Variants in SETD3 observed in about 807,000 individuals in gnomAD.
SETD3 encodes the protein SET domain containing 3, actin N3(tau)-histidine methyltransferase.
In SETD3, 19 loss-of-function variants were observed where a neutral mutation model predicts 63.0. The observed-to-expected ratio is 0.30, with a 90% CI of 0.21 to 0.44. SETD3 has a LOEUF of 0.44. Among genes scored for constraint, SETD3 ranks in the 20% least tolerant of loss-of-function variants. The pLI is 1.00. For missense variants in SETD3, 587 were observed against 728.5 expected, an observed-to-expected ratio of 0.81 and a Z score of 2.24; for synonymous variants, 286 against 264.1, an observed-to-expected ratio of 1.08 and a Z score of -0.80.
At position 99,434,878 on chromosome 14, in the gene SETD3, A is replaced by C. The variant is rs183149387; in HGVS notation, c.676-20944T>G. On this transcript the variant is annotated intron_variant, in intron 6 of 12. Coordinates refer to ENST00000331768, the MANE Select transcript of SETD3 (RefSeq NM_032233.3). ...AAAAAAAAAAAAAAAAAAAAAAAACAACCTACATTTAATATACATGTATTT... is the reference window on the plus strand; with the variant it reads ...AAAAAAAAAAAAAAAAAAAAAAAACCACCTACATTTAATATACATGTATTT... Among the ~76,000 whole-genome samples the C allele has an allele frequency of 6.0e-3, 726 of 120,646 alleles. 8 individuals are homozygous for C. The highest frequency in any genetic ancestry group is 0.021 in the African/African-American group (669 of 32,142). 79.1% of individuals were successfully genotyped at this position (120,646 alleles called of 152,430 possible). A position where few individuals can be genotyped will look rare whatever the true frequency, so the allele number is the denominator to read the frequency against.
intron 6 of SETD3, among the ~76,000 whole-genome samples, chr14:99,415,401 A>G (rs2139649215): frequency 6.6e-6 from 1 of 152,332 alleles, no homozygotes; most frequent in South Asian, 2.1e-4. Flanking sequence ...CAAAATGCTA[A>G]ATCTAAAAAT....
chr14:99,465,871 T>A, intron 1 of SETD3, 58 bp from the exon 2 acceptor site: 1 of 1,120,878 alleles, frequency 8.9e-7, no homozygotes, highest in Non-Finnish European at 1.3e-6. Context: ...CAAAATCAAG[T>A]AATAAAACAT....
At chr14:99,402,850 G>C (rs1388694445) in intron 11 of SETD3, among the ~76,000 whole-genome samples, 4 of 152,208 alleles carry the variant, frequency 2.6e-5, no homozygotes, top group Non-Finnish European at 5.9e-5. Context: ...CATCATGCCT[G>C]GCGCACAGTG....
intron 6 of SETD3, among the ~76,000 whole-genome samples, chr14:99,435,332 T>C (rs530784389): frequency 6.6e-6 from 1 of 152,358 alleles, no homozygotes; most frequent in East Asian, 1.9e-4. Flanking sequence ...CCTAGAATTT[T>C]GGTAGTTAAT....
At chr14:99,440,482 A>C (rs1893738643) in intron 6 of SETD3, among the ~76,000 whole-genome samples, 1 of 152,164 alleles carries the variant, frequency 6.6e-6, no homozygotes, top group Non-Finnish European at 1.5e-5. Context: ...GGTCAGGAGC[A>C]ATACACACAG....
chr14:99,422,806 A>G (rs1257249196), intron 6 of SETD3, among the ~76,000 whole-genome samples: 1 of 152,198 alleles, frequency 6.6e-6, no homozygotes, highest in African/African-American at 2.4e-5. Flanking sequence ...CTGGTCACAA[A>G]GGAGGGAAGT....
chr14:99,458,667 G>A, intron 5 of SETD3, 132 bp from the exon 6 acceptor site: 1 of 1,136,122 alleles, frequency 8.8e-7, no homozygotes, highest in East Asian at 2.6e-5. Flanking sequence ...GCTGGGCGCA[G>A]TGGCTCACAC....
chr14:99,409,951 G>T, intron 8 of SETD3: 1 of 387,904 alleles, frequency 2.6e-6, no homozygotes. Context: ...ATCACCCTGC[G>T]TTCATGGATC....
intron 1 of SETD3, among the ~76,000 whole-genome samples, chr14:99,470,859 A>G (rs1895663081): frequency 6.6e-6 from 1 of 152,154 alleles, no homozygotes; most frequent in African/African-American, 2.4e-5. Context: ...GTTCAGCCCT[A>G]AAACATCAGG....
intron 1 of SETD3, among the ~76,000 whole-genome samples, chr14:99,473,415 G>A (rs779508727): frequency 6.6e-6 from 1 of 152,122 alleles, no homozygotes; most frequent in Non-Finnish European, 1.5e-5. Context: ...CACTCTAAAT[G>A]GAAAGGATAT....
At chr14:99,479,535 C>T (rs1312883888) in intron 1 of SETD3, among the ~76,000 whole-genome samples, 1 of 152,080 alleles carries the variant, frequency 6.6e-6, no homozygotes, top group Non-Finnish European at 1.5e-5. Flanking sequence ...AACACTTCTC[C>T]GAGATTATTA....
chr14:99,482,556 T>C (rs947448850), upstream of SETD3, among the ~76,000 whole-genome samples: 1 of 152,216 alleles, frequency 6.6e-6, no homozygotes, highest in Non-Finnish European at 1.5e-5. Context: ...AAGATTGTCT[T>C]ATTCAGAGTG....
chr14:99,458,773 A>G (rs1166456168), intron 5 of SETD3, among the ~76,000 whole-genome samples: 1 of 49,940 alleles, frequency 2.0e-5, no homozygotes, highest in African/African-American at 6.2e-5. Context: ...CCCCATCACT[A>G]CAAAAAAAAA....
chr14:99,472,921 G>A (rs1174496523), intron 1 of SETD3, among the ~76,000 whole-genome samples: 1 of 152,222 alleles, frequency 6.6e-6, no homozygotes, highest in African/African-American at 2.4e-5. Context: ...ATTATAGTTA[G>A]TCATTCAGAG....
chr14:99,400,869 G>C (rs924760157), intron 11 of SETD3, among the ~76,000 whole-genome samples: 1 of 152,240 alleles, frequency 6.6e-6, no homozygotes, highest in Non-Finnish European at 1.5e-5. Context: ...GCCGGGCGCA[G>C]TGGCTCACGC....
chr14:99,426,898 G>A (rs1175480901), intron 6 of SETD3, among the ~76,000 whole-genome samples: 1 of 152,138 alleles, frequency 6.6e-6, no homozygotes. Flanking sequence ...CGAGGGCAGA[G>A]GCCTTGCCTT....
rs1474586967 is a variant in SETD3, at chr14:99,404,343, T to C, written c.1092-33A>G. ...AAGCAGAAAGCAAGATCAGTCACCC[T>C]GCTGCGGTTACCCACTTGCTCCAAA... On this transcript the variant is annotated intron_variant, in intron 10 of 12. Coordinates refer to ENST00000331768, the MANE Select transcript of SETD3 (RefSeq NM_032233.3). 3.8e-6 allele frequency: 6 copies of C among 1,596,478 alleles called. No homozygotes were observed. The Admixed American group carries it at 8.3e-5, about 22-fold the overall frequency.
intron 8 of SETD3, among the ~76,000 whole-genome samples, chr14:99,409,118 C>T (rs1891837476): frequency 6.6e-6 from 1 of 152,146 alleles, no homozygotes; most frequent in Non-Finnish European, 1.5e-5. Flanking sequence ...GGACAGGGTC[C>T]TTCCACCTCC....
chr14:99,483,207 T>C (rs1896399030), upstream of SETD3, among the ~76,000 whole-genome samples: 1 of 152,020 alleles, frequency 6.6e-6, no homozygotes, highest in Admixed American at 6.6e-5. Flanking sequence ...TATGAGTACT[T>C]GGGAAAGGAG....
Sources: gnomAD v4.1 joint callset for allele counts (sites outside exome capture counted in the v4.1 genomes callset) on GRCh38, gnomAD v4.1.1 for gene constraint, MANE v1.5 for transcripts, NCBI Gene and HGNC (gene_info 2026-07-23, HGNC 2026-07-21) for gene names.